Variants in EIF3H observed in about 807,000 individuals in gnomAD.
EIF3H encodes eukaryotic translation initiation factor 3 subunit H, also known as eIF-3-gamma.
In EIF3H, 26 loss-of-function variants were observed where a neutral mutation model predicts 44.2. The ratio of observed to expected loss-of-function variants is 0.59; its 90% CI spans 0.43 to 0.82. EIF3H has a LOEUF of 0.82. EIF3H is among the 40% of genes least tolerant of loss of function. The pLI is 0.00. For missense variants in EIF3H, 359 were observed against 432.8 expected, an observed-to-expected ratio of 0.83 and a Z score of 1.51; for synonymous variants, 166 against 151.9, an observed-to-expected ratio of 1.09 and a Z score of -0.68.
intron 1 of EIF3H, among the ~76,000 whole-genome samples, chr8:116,745,570 C>T (rs1815218069): frequency 6.6e-6 from 1 of 152,180 alleles, no homozygotes; most frequent in African/African-American, 2.4e-5. Flanking sequence ...GGTGTCTGAC[C>T]TTAACAGAAA....
chr8:116,736,364 T>C (rs1815039809), intron 1 of EIF3H, among the ~76,000 whole-genome samples: 1 of 152,124 alleles, frequency 6.6e-6, no homozygotes. Flanking sequence ...AACTGTGCAT[T>C]TAAAATGAGT....
intron 2 of EIF3H, among the ~76,000 whole-genome samples, chr8:116,717,836 A>T (rs1814679520): frequency 1.3e-5 from 2 of 152,110 alleles, no homozygotes; most frequent in Non-Finnish European, 2.9e-5. Context: ...ACAGTGGCTT[A>T]GGCATATTTC....
rs1586457786 is a variant in EIF3H, at chr8:116,689,621, C to T, written c.290-30641G>A. Among the ~76,000 whole-genome samples, 3 of 152,202 alleles carry T rather than the reference C, an allele frequency of 2.0e-5. No homozygotes were observed. In the South Asian group the frequency reaches 6.2e-4, roughly 32 times the overall value. On this transcript the variant is annotated intron_variant, in intron 2 of 7. Coordinates refer to ENST00000521861, the MANE Select transcript of EIF3H (RefSeq NM_003756.3). Reference sequence around the variant, plus strand: ...ATTCTTTTCATCTAACAATTAATTACAATTGACTATTTTTAAGAACCAAGA... The same window carrying T: ...ATTCTTTTCATCTAACAATTAATTATAATTGACTATTTTTAAGAACCAAGA...
chr8:116,664,570 A>G (rs571980675), intron 2 of EIF3H, among the ~76,000 whole-genome samples: 12 of 152,206 alleles, frequency 7.9e-5, no homozygotes, highest in Non-Finnish European at 1.5e-4. Flanking sequence ...GCCCTTGTGA[A>G]ATACAATTTC....
intron 2 of EIF3H, among the ~76,000 whole-genome samples, chr8:116,702,855 G>A (rs949717638): frequency 7.9e-5 from 12 of 152,244 alleles, no homozygotes; most frequent in South Asian, 2.1e-4. Context: ...GTTTCCTGGA[G>A]GACAATTTTT....
At chr8:116,739,510 C>T (rs973251415) in intron 1 of EIF3H, among the ~76,000 whole-genome samples, 18 of 152,108 alleles carry the variant, frequency 1.2e-4, no homozygotes, top group African/African-American at 4.3e-4. Flanking sequence ...ATTAGCCGGG[C>T]GTGGTGATGG....
intron 1 of EIF3H, among the ~76,000 whole-genome samples, chr8:116,763,232 A>T (rs1815535377): frequency 6.6e-6 from 1 of 152,206 alleles, no homozygotes; most frequent in Non-Finnish European, 1.5e-5. Context: ...TAGAATTGTT[A>T]AATATGATTC....
At chr8:116,744,412 T>C (rs1237750415) in intron 1 of EIF3H, among the ~76,000 whole-genome samples, 1 of 152,180 alleles carries the variant, frequency 6.6e-6, no homozygotes, top group Non-Finnish European at 1.5e-5. Flanking sequence ...GTTATCACTG[T>C]TTTTCCTGAA....
chr8:116,656,147 A>C, intron 4 of EIF3H, 142 bp from the exon 5 acceptor site: 1 of 680,704 alleles, frequency 1.5e-6, no homozygotes, highest in Non-Finnish European at 2.3e-6. Flanking sequence ...AAGTAGAGAA[A>C]CTGGAGTTTT....
intron 1 of EIF3H, among the ~76,000 whole-genome samples, chr8:116,738,769 A>G (rs80292821): frequency 0.049 from 7,478 of 152,338 alleles, 323 homozygotes; most frequent in Admixed American, 0.15. Context: ...TGCTTTATAA[A>G]GCTGAGCTAC....
At chr8:116,672,299 C>T (rs1449002894) in intron 2 of EIF3H, among the ~76,000 whole-genome samples, 1 of 152,048 alleles carries the variant, frequency 6.6e-6, no homozygotes, top group East Asian at 1.9e-4. Context: ...TCTAGAAATC[C>T]TAATAACCTG....
At chr8:116,646,033 T>C (rs981543690) in intron 7 of EIF3H, among the ~76,000 whole-genome samples, 1 of 152,244 alleles carries the variant, frequency 6.6e-6, no homozygotes, top group African/African-American at 2.4e-5. Flanking sequence ...AGAAAAAGTT[T>C]ATCCGGAAAT....
At chr8:116,681,654 G>A (rs796861256) in intron 2 of EIF3H, among the ~76,000 whole-genome samples, 269 of 104,768 alleles carry the variant, frequency 2.6e-3, no homozygotes, top group African/African-American at 0.01. Flanking sequence ...CAACAAGAGC[G>A]AAACTCCATC....
chr8:116,721,796 T>A (rs1386380687), intron 2 of EIF3H, among the ~76,000 whole-genome samples: 1 of 152,266 alleles, frequency 6.6e-6, no homozygotes, highest in Non-Finnish European at 1.5e-5. Context: ...CCCCTTCATT[T>A]TGGCTCATTC....
At chr8:116,695,973 A>G (rs1814263612) in intron 2 of EIF3H, among the ~76,000 whole-genome samples, 1 of 152,246 alleles carries the variant, frequency 6.6e-6, no homozygotes, top group Non-Finnish European at 1.5e-5. Flanking sequence ...ATGGTTTTCA[A>G]TATAAATAAA....
At chr8:116,663,367 A>G (rs1813612389) in intron 2 of EIF3H, among the ~76,000 whole-genome samples, 1 of 152,198 alleles carries the variant, frequency 6.6e-6, no homozygotes, top group Non-Finnish European at 1.5e-5. Flanking sequence ...AGGGTTAGAC[A>G]AGCTTCAATT....
intron 2 of EIF3H, among the ~76,000 whole-genome samples, chr8:116,703,880 C>T (rs1023053179): frequency 6.6e-5 from 10 of 152,104 alleles, no homozygotes; most frequent in African/African-American, 1.9e-4. Flanking sequence ...TCTCTGCACA[C>T]GAAGAGAAAA....
chr8:116,750,468 GGT>G (rs1815313180), intron 1 of EIF3H, among the ~76,000 whole-genome samples: 1 of 149,372 alleles, frequency 6.7e-6, no homozygotes, highest in African/African-American at 2.5e-5. Flanking sequence ...GGAGTGCAGT[GGT>G]GCAATCTCGG....
intron 2 of EIF3H, among the ~76,000 whole-genome samples, chr8:116,663,737 C>T (rs1380633499): frequency 2.0e-5 from 3 of 151,966 alleles, no homozygotes; most frequent in African/African-American, 7.3e-5. Flanking sequence ...TCGAAACCAG[C>T]CTGGCCGACA....
Sources: allele counts gnomAD v4.1 joint callset (sites outside exome capture counted in the v4.1 genomes callset), GRCh38; gene constraint gnomAD v4.1.1; transcripts MANE v1.5; gene names NCBI Gene and HGNC (gene_info 2026-07-23, HGNC 2026-07-21).